KCTD20: variants seen among roughly 807,000 people sequenced by gnomAD.
The protein encoded by KCTD20 is BTB/POZ domain-containing protein KCTD20.
In KCTD20, 30 loss-of-function variants were observed where a neutral mutation model predicts 39.6. That is an observed-to-expected ratio of 0.76 (90% CI 0.57 to 1.03). The LOEUF is 1.03. Among genes scored for constraint, KCTD20 ranks in the 50% least tolerant of loss-of-function variants. KCTD20 has a pLI of 0.00. For missense variants in KCTD20, 422 were observed against 522.0 expected, an observed-to-expected ratio of 0.81 and a Z score of 1.87; for synonymous variants, 162 against 180.6, an observed-to-expected ratio of 0.90 and a Z score of 0.83.
intron 1 of KCTD20, among the ~76,000 whole-genome samples, chr6:36,453,569 C>T (rs1346167950): frequency 4.0e-5 from 6 of 148,570 alleles, no homozygotes; most frequent in Admixed American, 1.4e-4. Flanking sequence ...GGCTGAAGTG[C>T]AATGGTGTGA....
intron 1 of KCTD20, among the ~76,000 whole-genome samples, chr6:36,450,032 C>A (rs186648149): frequency 6.6e-6 from 1 of 151,932 alleles, no homozygotes; most frequent in African/African-American, 2.4e-5. Context: ...GGCGTGGTTG[C>A]AGGCGCCTGT....
rs578242665 is a variant in KCTD20 at position 36,447,493 on chromosome 6, G to A, written c.-47+4382G>A. On this transcript the variant is annotated intron_variant, in intron 1 of 7. Transcript: ENST00000373731. Reference sequence around the variant, plus strand: ...AAAATTCAGAAAATTAGCTGGGCATGTTGGCATGCGACTGTAAGCCCAGTT... The same window carrying A: ...AAAATTCAGAAAATTAGCTGGGCATATTGGCATGCGACTGTAAGCCCAGTT... 2.0e-5 allele frequency among the ~76,000 whole-genome samples: 3 copies of A among 152,160 alleles called. No homozygotes were observed. The East Asian group carries it at 5.8e-4, about 29-fold the overall frequency.
chr6:36,468,320 G>A (rs1032042157), intron 1 of KCTD20, among the ~76,000 whole-genome samples: 1 of 152,094 alleles, frequency 6.6e-6, no homozygotes. Context: ...ATAACAAAAC[G>A]ATTTTCTTAC....
chr6:36,467,610 A>T (rs1024202380), intron 1 of KCTD20, among the ~76,000 whole-genome samples: 2 of 151,776 alleles, frequency 1.3e-5, no homozygotes, highest in Non-Finnish European at 2.9e-5. Flanking sequence ...TGCTGGGATT[A>T]CAGGTGTGAG....
intron 6 of KCTD20, 130 bp from the exon 7 acceptor site, chr6:36,484,584 A>G (rs548512391): frequency 4.7e-5 from 26 of 557,642 alleles, no homozygotes; most frequent in Middle Eastern, 5.0e-4. Flanking sequence ...TTTAACATTT[A>G]ATCTTTGATC....
chr6:36,452,385 G>A (rs185274948), intron 1 of KCTD20, among the ~76,000 whole-genome samples: 1 of 151,798 alleles, frequency 6.6e-6, no homozygotes, highest in East Asian at 1.9e-4. Flanking sequence ...ATTTTTCTAA[G>A]TCAGTTTCAA....
chr6:36,470,219 C>T lies in KCTD20; in HGVS notation c.122C>T (p.Pro41Leu). The T allele has an allele frequency of 6.2e-7, 1 of 1,613,752 alleles. No homozygotes were observed. The highest frequency in any genetic ancestry group is 8.5e-7 in the Non-Finnish European group (1 of 1,179,770). Residue 41 changes from proline (P) to leucine (L), a missense_variant, in exon 2 of 8, where the codon CCT (proline) becomes CTT (leucine). By Grantham distance (98) the Pro-to-Leu change is moderately conservative. Coordinates refer to ENST00000373731, the MANE Select transcript of KCTD20 (RefSeq NM_173562.5). ...KEANSLASSG[P>L]HNLTYPLGPR... ...GCAAACAGCCTGGCTTCATCTGGTC[C>T]TCATAATCTTACTTATCCTCTAGGT...
chr6:36,468,270 G>C (rs1355655789), intron 1 of KCTD20, among the ~76,000 whole-genome samples: 2 of 152,008 alleles, frequency 1.3e-5, no homozygotes, highest in South Asian at 2.1e-4. Flanking sequence ...ACTGATTTTG[G>C]AGCCCTGGTT....
intron 1 of KCTD20, chr6:36,465,692 G>A (rs540127896): frequency 6.6e-6 from 1 of 152,148 alleles, no homozygotes; most frequent in South Asian, 2.1e-4. Context: ...CTATTTTGCT[G>A]TTCCAGGTCA....
At chr6:36,478,622 G>A (rs1776144721) in intron 3 of KCTD20, among the ~76,000 whole-genome samples, 1 of 152,128 alleles carries the variant, frequency 6.6e-6, no homozygotes. Context: ...AACAGAAGAT[G>A]AGATGTTGAA....
At position 36,484,810 on chromosome 6, in the gene KCTD20, G is replaced by A. The variant is rs750612364; in HGVS notation, c.953G>A (p.Arg318His). Reference protein sequence around the residue: ...VLKERGLKNIRIGIEGYPTCK... With the variant: ...VLKERGLKNIHIGIEGYPTCK... ...AAGGAACGGGGCCTAAAAAACATTC[G>A]CATTGGAATTGAAGGTAAAAAAAAA... The change falls in exon 7 of 8, where the codon CGC (arginine) becomes CAC (histidine). Residue 318 changes from arginine (R) to histidine (H), a missense_variant. By Grantham distance (29) the Arg-to-His change is conservative (BLOSUM62 0). Coordinates refer to ENST00000373731, the MANE Select transcript of KCTD20 (RefSeq NM_173562.5). 3.8e-6 allele frequency: 6 copies of A among 1,564,022 alleles called. No homozygotes were observed. The highest frequency in any genetic ancestry group is 1.1e-5 in the South Asian group (1 of 87,238).
chr6:36,446,629 TA>T (rs1172189653), intron 1 of KCTD20, among the ~76,000 whole-genome samples: 5 of 152,164 alleles, frequency 3.3e-5, no homozygotes. Flanking sequence ...TGTATTATTT[TA>T]AAAATTAAAA....
In KCTD20 at chr6:36,481,530, A is replaced by C. The variant is rs770192385; in HGVS notation, c.659-32A>C. On this transcript the variant is annotated intron_variant, in intron 5 of 7. Coordinates refer to ENST00000373731, the MANE Select transcript of KCTD20 (RefSeq NM_173562.5). ...TCCAGTAATATGTGCATTTAGGCAG[A>C]AAGCATGTTCACCTACATTTTCTCT... is the stretch of plus-strand genomic sequence containing the variant. 921 of 1,534,478 alleles carry C rather than the reference A, an allele frequency of 6.0e-4. 4 individuals are homozygous for C. The highest frequency in any genetic ancestry group is 1.2e-3 in the Middle Eastern group (7 of 5,914).
chr6:36,488,942 A>G lies in KCTD20; in HGVS notation c.*1767A>G, dbSNP rs1776505142. 1 of 152,682 alleles carries G rather than the reference A, an allele frequency of 6.5e-6. No individual in the cohort carries two copies. The highest frequency in any genetic ancestry group is 2.1e-4 in the South Asian group (1 of 4,836). 9.5% of individuals were successfully genotyped at this position (152,682 alleles called of 1,614,324 possible). A position where few individuals can be genotyped will look rare whatever the true frequency, so the allele number is the denominator to read the frequency against. On this transcript the variant is annotated 3_prime_UTR_variant, in exon 8 of 8. Transcript: ENST00000373731. Reference sequence around the variant, plus strand: ...CTGATGACTATTGGCATCCATTTGCAAGGCCAATGGCCTGGATTAAGGGTT... The same window carrying G: ...CTGATGACTATTGGCATCCATTTGCGAGGCCAATGGCCTGGATTAAGGGTT...
chr6:36,452,541 C>CA (rs1245998654), intron 1 of KCTD20: 18 of 126,894 alleles, frequency 1.4e-4, no homozygotes, highest in Non-Finnish European at 2.6e-4. Context: ...TCTTCATTTT[C>CA]TTTTTTTTTT....
chr6:36,452,998 GC>G (rs1775309422), intron 1 of KCTD20, among the ~76,000 whole-genome samples: 1 of 110,072 alleles, frequency 9.1e-6, no homozygotes, highest in Non-Finnish European at 1.9e-5. Context: ...AGTTTTCTTA[GC>G]TTTTTTTTTT....
At chr6:36,455,670 A>G (rs1425429976) in intron 1 of KCTD20, among the ~76,000 whole-genome samples, 1 of 152,012 alleles carries the variant, frequency 6.6e-6, no homozygotes, top group Non-Finnish European at 1.5e-5. Flanking sequence ...GGTTCACACT[A>G]TGTTGGGGAC....
At chr6:36,452,506 T>A (rs1775284490) in intron 1 of KCTD20, 1 of 151,840 alleles carries the variant, frequency 6.6e-6, no homozygotes, top group Non-Finnish European at 1.5e-5. Context: ...TAGTCTTTTT[T>A]CATCTGTGAT....
Position 36,490,063 on chromosome 6 carries a change from T to C in KCTD20, c.*2888T>C, listed in dbSNP as rs553217551. 2 of 152,210 alleles carry C rather than the reference T, an allele frequency of 1.3e-5. No individual in the cohort carries two copies. The highest frequency in any genetic ancestry group is 2.4e-5 in the African/African-American group (1 of 41,446). The allele number at this position is 152,210 out of a possible 1,614,324, so 9.4% of individuals were successfully genotyped here. ...CAAGAGAACAGTGTGATGTCTAATATATACAGGTCTATGAAAATACTGTGG... is the reference window on the plus strand; with the variant it reads ...CAAGAGAACAGTGTGATGTCTAATACATACAGGTCTATGAAAATACTGTGG... On this transcript the variant is annotated 3_prime_UTR_variant, in exon 8 of 8. Coordinates refer to ENST00000373731, the MANE Select transcript of KCTD20 (RefSeq NM_173562.5).
Sources: gnomAD v4.1 joint callset for allele counts (sites outside exome capture counted in the v4.1 genomes callset) on GRCh38, gnomAD v4.1.1 for gene constraint, MANE v1.5 for transcripts, NCBI Gene and HGNC (gene_info 2026-07-23, HGNC 2026-07-21) for gene names.